FBLN5: variants seen among roughly 807,000 people sequenced by gnomAD.
FBLN5 encodes the protein fibulin-5.
Under a neutral mutation model 61.6 loss-of-function variants are expected in FBLN5, and 24 were observed. That is an observed-to-expected ratio of 0.39 (90% CI 0.28 to 0.55). The LOEUF (loss-of-function observed/expected upper bound fraction) is 0.55, where lower values mean the gene tolerates loss of function less well. Ranked by LOEUF, FBLN5 falls within the 20% of genes least tolerant of loss-of-function variation. The probability of loss-of-function intolerance (pLI) is 0.65; values close to 1 mark genes in which losing one functional copy is unlikely to be tolerated. For synonymous variants in FBLN5, 213 were observed against 219.8 expected (o/e 0.97, Z 0.27); for missense variants, 470 against 594.1 (o/e 0.79, Z 2.17).
At chr14:91,941,888 C>T (rs1473791280) in intron 2 of FBLN5, 1 of 299,496 alleles carries the variant, frequency 3.3e-6, no homozygotes, top group African/African-American at 2.2e-5. Context: ...CCCTTGGGGC[C>T]TACCTGTCTT....
chr14:91,881,366 G>A lies in FBLN5; in HGVS notation c.915C>T (p.Cys305=). Reference sequence around the variant, plus strand: ...ATTTGAAGCCCCCTTGTAAATTGTAGCACGTCTGCTGCAGGTTGCACGTGT... The same window carrying A: ...ATTTGAAGCCCCCTTGTAAATTGTAACACGTCTGCTGCAGGTTGCACGTGT... ...RNHTCNLQQT[C]YNLQGGFKCI... The change falls in exon 9 of 11, where the codon TGC becomes TGT. Residue 305 remains cysteine (C), a synonymous_variant. Coordinates refer to ENST00000342058, the MANE Select transcript of FBLN5 (RefSeq NM_006329.4). The A allele has an allele frequency of 6.2e-7, 1 of 1,614,142 alleles. No individual in the cohort carries two copies. Among genetic ancestry groups the A allele is most frequent in the Non-Finnish European group, 8.5e-7 (1 of 1,179,972 alleles).
At chr14:91,919,777 C>G (rs1288277787) in intron 4 of FBLN5, among the ~76,000 whole-genome samples, 1 of 152,238 alleles carries the variant, frequency 6.6e-6, no homozygotes, top group Non-Finnish European at 1.5e-5. Context: ...CCTTCCCTTG[C>G]AGCCCTCAAA....
At chr14:91,872,821 T>C (rs1161596999) in intron 10 of FBLN5, among the ~76,000 whole-genome samples, 2 of 152,192 alleles carry the variant, frequency 1.3e-5, no homozygotes, top group Non-Finnish European at 2.9e-5. Context: ...AGGAAATGCC[T>C]GCAGCCTTTA....
Position 91,870,101 on chromosome 14 carries a change from T to TA in FBLN5, c.*122_*123insT. 1 of 1,064,906 alleles carries TA rather than the reference T, an allele frequency of 9.4e-7. No individual in the cohort carries two copies. Among genetic ancestry groups the TA allele is most frequent in the Non-Finnish European group, 1.4e-6 (1 of 705,852 alleles). The allele number at this position is 1,064,906 out of a possible 1,614,324, so 66.0% of individuals were successfully genotyped here. ...GAGTCAGGAAGTCGGGGCTGACTCT[T>TA]CGGGGAAACGTTCAGCAGGAAATGC... On this transcript the variant is annotated 3_prime_UTR_variant, in exon 11 of 11. Coordinates refer to ENST00000342058, the MANE Select transcript of FBLN5 (RefSeq NM_006329.4).
intron 4 of FBLN5, among the ~76,000 whole-genome samples, chr14:91,916,244 G>A (rs1187467044): frequency 2.0e-5 from 3 of 152,130 alleles, no homozygotes; most frequent in Non-Finnish European, 2.9e-5. Context: ...CCAGGAGTTT[G>A]AGACCAGCCT....
intron 7 of FBLN5, among the ~76,000 whole-genome samples, chr14:91,884,556 A>G (rs1889639994): frequency 6.6e-6 from 1 of 152,234 alleles, no homozygotes; most frequent in Non-Finnish European, 1.5e-5. Flanking sequence ...CATATTTTAC[A>G]GAAGAAAAAC....
chr14:91,945,838 GC>G (rs2056175039), intron 1 of FBLN5, among the ~76,000 whole-genome samples: 2 of 152,202 alleles, frequency 1.3e-5, no homozygotes, highest in African/African-American at 4.8e-5. Context: ...AAAGTGCAGA[GC>G]CAAATCCCAG....
chr14:91,877,312 G>T (rs1284282648), intron 10 of FBLN5, among the ~76,000 whole-genome samples, 175 bp downstream of exon 10: 1 of 152,046 alleles, frequency 6.6e-6, no homozygotes, highest in Admixed American at 6.6e-5. Flanking sequence ...AGCATCTTTT[G>T]CAAGACTACA....
intron 4 of FBLN5, among the ~76,000 whole-genome samples, chr14:91,930,580 T>G (rs185743210): frequency 6.6e-6 from 1 of 152,208 alleles, no homozygotes; most frequent in South Asian, 2.1e-4. Context: ...GGTCTCAGCC[T>G]GAGGACTGAG....
chr14:91,931,894 G>A lies in FBLN5; in HGVS notation c.379+5053C>T, dbSNP rs145915088. Reference sequence around the variant, plus strand: ...CACATCTTGGGTGCCCCAGCCACTCGGCACCAGCTCACCCCACCCCCTGAG... The same window carrying A: ...CACATCTTGGGTGCCCCAGCCACTCAGCACCAGCTCACCCCACCCCCTGAG... On this transcript the variant is annotated intron_variant, in intron 4 of 10. Transcript: ENST00000342058. Among the ~76,000 whole-genome samples the A allele has an allele frequency of 6.9e-3, 1,054 of 152,236 alleles. 9 individuals are homozygous for A. The highest frequency in any genetic ancestry group is 0.023 in the African/African-American group (975 of 41,550).
chr14:91,895,345 T>C (rs1455196144), intron 4 of FBLN5, among the ~76,000 whole-genome samples: 1 of 152,214 alleles, frequency 6.6e-6, no homozygotes, highest in Non-Finnish European at 1.5e-5. Context: ...CCTATGCCAT[T>C]GCTCTTTGAA....
intron 7 of FBLN5, among the ~76,000 whole-genome samples, chr14:91,884,338 GC>G (rs1889628556): frequency 6.6e-6 from 1 of 152,174 alleles, no homozygotes; most frequent in Non-Finnish European, 1.5e-5. Context: ...GCCTTGTAGA[GC>G]CCCGGGTCTC....
chr14:91,883,174 A>C (rs1889557370), intron 7 of FBLN5, 98 bp from the exon 8 acceptor site: 3 of 1,389,986 alleles, frequency 2.2e-6, no homozygotes, highest in African/African-American at 1.4e-5. Context: ...GTCTTGATAC[A>C]TACAATGGCT....
At chr14:91,919,346 AAAAAGAAAAGAAAAG>A (rs1224425076) in intron 4 of FBLN5, among the ~76,000 whole-genome samples, 19 of 85,468 alleles carry the variant, frequency 2.2e-4, no homozygotes, top group African/African-American at 7.6e-4. Flanking sequence ...AAAGAAAAAA[AAAAAGAAAAGAAAAG>A]AAAAGAAAAG....
intron 6 of FBLN5, among the ~76,000 whole-genome samples, chr14:91,889,737 G>C (rs1566805643): frequency 6.6e-6 from 1 of 152,230 alleles, no homozygotes; most frequent in Non-Finnish European, 1.5e-5. Flanking sequence ...TGCTGCCCAT[G>C]GGCCCTGCTG....
chr14:91,941,129 C>T (rs993412074), intron 2 of FBLN5, among the ~76,000 whole-genome samples: 1 of 152,150 alleles, frequency 6.6e-6, no homozygotes, highest in African/African-American at 2.4e-5. Context: ...AGGGCAATGA[C>T]TCTTTCTTTA....
intron 1 of FBLN5, chr14:91,946,635 G>T: frequency 1.7e-6 from 2 of 1,199,600 alleles, no homozygotes; most frequent in Non-Finnish European, 2.4e-6. Context: ...TGTCATTTAG[G>T]TAAAGTTCTC....
chr14:91,920,999 T>A (rs2055724376), intron 4 of FBLN5, among the ~76,000 whole-genome samples: 1 of 152,210 alleles, frequency 6.6e-6, no homozygotes. Context: ...CACAGAGGGT[T>A]CTGAAAGTAC....
intron 7 of FBLN5, among the ~76,000 whole-genome samples, chr14:91,884,491 GCCTC>G (rs1889636779): frequency 6.6e-6 from 1 of 152,190 alleles, no homozygotes; most frequent in Non-Finnish European, 1.5e-5. Context: ...TGCTTTACAT[GCCTC>G]CTCTTATTTA....
Sources: gnomAD v4.1 joint callset for allele counts (sites outside exome capture counted in the v4.1 genomes callset) on GRCh38, gnomAD v4.1.1 for gene constraint, MANE v1.5 for transcripts, NCBI Gene and HGNC (gene_info 2026-07-23, HGNC 2026-07-21) for gene names.